TRPS1: variants seen among roughly 807,000 people sequenced by gnomAD.
TRPS1 encodes the protein transcriptional repressor GATA binding 1.
A neutral mutation model predicts 101.2 loss-of-function variants in TRPS1; 6 were observed. That is an observed-to-expected ratio of 0.06 (90% CI 0.03 to 0.12). TRPS1 has a LOEUF of 0.12. Among genes scored for constraint, TRPS1 ranks in the 10% least tolerant of loss-of-function variants. TRPS1 has a pLI of 1.00. For synonymous variants in TRPS1, 578 were observed against 589.8 expected (o/e 0.98, Z 0.29); for missense variants, 1,363 against 1,567.0 (o/e 0.87, Z 2.20).
intron 5 of TRPS1, among the ~76,000 whole-genome samples, chr8:115,546,671 A>G (rs77721967): frequency 0.036 from 5,457 of 152,132 alleles, 368 homozygotes; most frequent in African/African-American, 0.12. Flanking sequence ...ATTTCCATAA[A>G]TTACTTTTTA....
chr8:115,496,673 T>C (rs979329036), intron 5 of TRPS1, among the ~76,000 whole-genome samples: 1 of 152,174 alleles, frequency 6.6e-6, no homozygotes, highest in African/African-American at 2.4e-5. Flanking sequence ...AAATGTAAGG[T>C]AGTGTGAATT....
At chr8:115,546,434 A>T (rs1415845276) in intron 5 of TRPS1, among the ~76,000 whole-genome samples, 9 of 152,116 alleles carry the variant, frequency 5.9e-5, no homozygotes, top group Non-Finnish European at 5.9e-5. Context: ...AATTTCAAAG[A>T]TATAACAGTG....
intron 5 of TRPS1, among the ~76,000 whole-genome samples, chr8:115,461,524 C>T (rs1814178150): frequency 6.6e-6 from 1 of 152,108 alleles, no homozygotes. Context: ...CCCATGTGTC[C>T]CCAGCAACAA....
chr8:115,566,106 C>T (rs1277306165), intron 5 of TRPS1, among the ~76,000 whole-genome samples: 1 of 152,070 alleles, frequency 6.6e-6, no homozygotes, highest in Non-Finnish European at 1.5e-5. Context: ...ATCTTTGATA[C>T]TAATGTGCAT....
rs551285558 is a variant in TRPS1 at position 115,650,123 on chromosome 8, T to C, written c.-122+18422A>G. 2.0e-5 allele frequency among the ~76,000 whole-genome samples: 3 copies of C among 152,324 alleles called. No individual in the cohort carries two copies. The East Asian group carries it at 5.8e-4, about 29-fold the overall frequency. On this transcript the variant is annotated intron_variant, in intron 1 of 6. Transcript: ENST00000395715. ...ATGCACCCTTTCAGTTGTGGAAAAGTACAGAGGATTTTAAAAACCCCTACT... is the reference window on the plus strand; with the variant it reads ...ATGCACCCTTTCAGTTGTGGAAAAGCACAGAGGATTTTAAAAACCCCTACT...
intron 1 of TRPS1, among the ~76,000 whole-genome samples, chr8:115,653,500 T>C (rs1811609935): frequency 6.6e-6 from 1 of 152,218 alleles, no homozygotes; most frequent in South Asian, 2.1e-4. Context: ...AATTGCTTTT[T>C]AATGTCAAAG....
chr8:115,655,905 A>T (rs138806562), intron 1 of TRPS1, among the ~76,000 whole-genome samples: 1 of 152,276 alleles, frequency 6.6e-6, no homozygotes, highest in East Asian at 1.9e-4. Context: ...ATGTGATTAC[A>T]TCGGACCAAA....
intron 5 of TRPS1, among the ~76,000 whole-genome samples, chr8:115,455,553 T>C (rs1403865229): frequency 6.6e-6 from 1 of 152,134 alleles, no homozygotes; most frequent in East Asian, 1.9e-4. Context: ...AAGACAGTTT[T>C]AGGGAATCCA....
intron 5 of TRPS1, among the ~76,000 whole-genome samples, chr8:115,568,039 C>A (rs531716441): frequency 3.4e-4 from 52 of 152,162 alleles, no homozygotes; most frequent in African/African-American, 1.2e-3. Context: ...ATTGAGTTGA[C>A]AATGCCCAGC....
At chr8:115,490,434 T>G (rs745886588) in intron 5 of TRPS1, among the ~76,000 whole-genome samples, 1 of 152,168 alleles carries the variant, frequency 6.6e-6, no homozygotes, top group Non-Finnish European at 1.5e-5. Flanking sequence ...TACACACATA[T>G]GCATGTAATA....
chr8:115,543,614 C>T (rs1483585), intron 5 of TRPS1, among the ~76,000 whole-genome samples: 97,403 of 151,816 alleles, frequency 0.64, 31,845 homozygotes, highest in East Asian at 0.84. Context: ...ATGATGTCCT[C>T]ATTTTTTCTT....
chr8:115,558,940 C>T (rs542804181), intron 5 of TRPS1, among the ~76,000 whole-genome samples: 1 of 152,192 alleles, frequency 6.6e-6, no homozygotes, highest in East Asian at 1.9e-4. Flanking sequence ...TAAAAAAATT[C>T]ATATGTTAAG....
intron 1 of TRPS1, among the ~76,000 whole-genome samples, chr8:115,659,956 CAAGT>C (rs1442131215): frequency 4.6e-5 from 7 of 151,974 alleles, no homozygotes; most frequent in Non-Finnish European, 1.5e-5. Flanking sequence ...ACATTCTAAG[CAAGT>C]GAGACTATAG....
intron 5 of TRPS1, among the ~76,000 whole-genome samples, chr8:115,453,165 T>C (rs1316210192): frequency 6.6e-6 from 1 of 151,986 alleles, no homozygotes; most frequent in African/African-American, 2.4e-5. Flanking sequence ...GGATTACAGA[T>C]GCCCACCACC....
intron 5 of TRPS1, among the ~76,000 whole-genome samples, chr8:115,480,308 A>C (rs1407106756): frequency 6.6e-6 from 1 of 152,156 alleles, no homozygotes; most frequent in African/African-American, 2.4e-5. Context: ...TGAAGCACCC[A>C]GTAATGGTAG....
intron 5 of TRPS1, among the ~76,000 whole-genome samples, chr8:115,487,883 C>G (rs915319924): frequency 2.0e-5 from 3 of 152,142 alleles, no homozygotes; most frequent in African/African-American, 7.2e-5. Context: ...ATTACATCAA[C>G]GTAGTTGACA....
chr8:115,430,118 A>G lies in TRPS1; in HGVS notation c.2701-11666T>C, dbSNP rs75460280. 1.4e-4 allele frequency among the ~76,000 whole-genome samples: 21 copies of G among 152,160 alleles called. No homozygotes were observed. In the East Asian group the frequency reaches 3.9e-3, roughly 28 times the overall value. ...AATTTACCCCAAATGTATCAAAACT[A>G]CTCTTCATCATAAGAGGAACTTTGT... On this transcript the variant is annotated intron_variant, in intron 5 of 6. Transcript: ENST00000395715.
chr8:115,467,941 C>A (rs369562564), intron 5 of TRPS1, among the ~76,000 whole-genome samples: 2 of 152,140 alleles, frequency 1.3e-5, no homozygotes, highest in Admixed American at 6.5e-5. Flanking sequence ...TCCTGCTGTA[C>A]GACATCAATT....
intron 5 of TRPS1, among the ~76,000 whole-genome samples, chr8:115,549,918 A>G (rs182100689): frequency 5.3e-5 from 8 of 152,106 alleles, no homozygotes; most frequent in African/African-American, 1.9e-4. Context: ...AACAAACAAA[A>G]CAAAAATGAT....
Sources: gnomAD v4.1 joint callset for allele counts (sites outside exome capture counted in the v4.1 genomes callset) on GRCh38, gnomAD v4.1.1 for gene constraint, MANE v1.5 for transcripts, NCBI Gene and HGNC (gene_info 2026-07-23, HGNC 2026-07-21) for gene names.